Variants in SHC3 observed in about 807,000 individuals in gnomAD.
SHC3 encodes SHC-transforming protein 3.
Under a neutral mutation model 60.4 loss-of-function variants are expected in SHC3, and 15 were observed. The ratio of observed to expected loss-of-function variants is 0.25; its 90% CI spans 0.17 to 0.38. SHC3 has a LOEUF of 0.38. Ranked by LOEUF, SHC3 falls within the 10% of genes least tolerant of loss-of-function variation. The pLI, the probability that SHC3 is intolerant of heterozygous loss-of-function variation, is 1.00. For synonymous variants in SHC3, 294 were observed against 325.9 expected (o/e 0.90, Z 1.05); for missense variants, 677 against 786.1 (o/e 0.86, Z 1.66).
In SHC3 at chr9:89,038,307, A is replaced by G. The variant is rs773965191; in HGVS notation, c.1361-19T>C. On this transcript the variant is annotated intron_variant, in intron 10 of 11. Coordinates refer to ENST00000375835, the MANE Select transcript of SHC3 (RefSeq NM_016848.6). ...AAAGGTTCTGTCATCAACAATATTG[A>G]CCAGCAACAAGTCAATCCCAAGAAG... 3.2e-6 allele frequency: 5 copies of G among 1,586,968 alleles called. No individual in the cohort carries two copies. Among genetic ancestry groups the G allele is most frequent in the Non-Finnish European group, 4.3e-6 (5 of 1,164,408 alleles).
chr9:89,161,369 T>A (rs980171211), intron 1 of SHC3, among the ~76,000 whole-genome samples: 2 of 152,206 alleles, frequency 1.3e-5, no homozygotes, highest in Admixed American at 1.3e-4. Flanking sequence ...CGTCACCTTC[T>A]GCTGTGAAGT....
chr9:89,048,241 T>TAAAAAAAAAAA (rs34217569), intron 7 of SHC3, among the ~76,000 whole-genome samples: 1 of 133,952 alleles, frequency 7.5e-6, no homozygotes. Flanking sequence ...AAGACTCCAT[T>TAAAAAAAAAAA]AAAAAAAAAA....
Position 89,046,897 on chromosome 9 carries a change from C to G in SHC3, c.1060G>C (p.Gly354Arg). ...SIPSKMPPPG[G>R]FLDTRLKPRP... ...GGTTTCAGTCTAGTATCAAGAAAGC[C>G]CCCTGGAGGAGGCATCTTGCTTGGG... is the stretch of plus-strand genomic sequence containing the variant. Residue 354 changes from glycine (G) to arginine (R), a missense_variant, in exon 8 of 12, where the codon GGC (glycine) becomes CGC (arginine). Gly to Arg is a moderately radical substitution (Grantham distance 125). Transcript: ENST00000375835. 5.6e-6 allele frequency: 9 copies of G among 1,610,416 alleles called. No homozygotes were observed. The highest frequency in any genetic ancestry group is 7.6e-6 in the Non-Finnish European group (9 of 1,178,522).
chr9:89,105,374 C>T (rs1377809692), intron 2 of SHC3, among the ~76,000 whole-genome samples: 1 of 152,160 alleles, frequency 6.6e-6, no homozygotes, highest in East Asian at 1.9e-4. Flanking sequence ...TATCCTCATC[C>T]CCAAAATACA....
chr9:89,114,791 A>G (rs1407677417), intron 1 of SHC3, among the ~76,000 whole-genome samples: 2 of 152,172 alleles, frequency 1.3e-5, no homozygotes, highest in Non-Finnish European at 2.9e-5. Flanking sequence ...CCATTGTTGC[A>G]GAGTTATGAT....
chr9:89,019,854 C>T lies in SHC3; in HGVS notation c.1657-6279G>A, dbSNP rs540274384. On this transcript the variant is annotated intron_variant, in intron 11 of 11. Transcript: ENST00000375835. ...AATATTTATTAAATAATATCAAATA[C>T]AGTCTATTTAAAAACAAAAATAATA... Among the ~76,000 whole-genome samples the T allele has an allele frequency of 2.0e-5, 3 of 152,194 alleles. No individual in the cohort carries two copies. The East Asian group carries it at 5.8e-4, about 29-fold the overall frequency.
At chr9:89,170,622 G>A (rs985892157) in intron 1 of SHC3, among the ~76,000 whole-genome samples, 2 of 152,192 alleles carry the variant, frequency 1.3e-5, no homozygotes, top group Admixed American at 6.5e-5. Context: ...TCCAGTCTGG[G>A]CGACAGAGCA....
At chr9:89,117,021 G>A (rs558591036) in intron 1 of SHC3, among the ~76,000 whole-genome samples, 2 of 152,286 alleles carry the variant, frequency 1.3e-5, no homozygotes, top group East Asian at 1.9e-4. Context: ...GATCACAACC[G>A]AGTTTGCAGA....
At chr9:89,145,930 A>T (rs900807982) in intron 1 of SHC3, among the ~76,000 whole-genome samples, 1 of 152,170 alleles carries the variant, frequency 6.6e-6, no homozygotes, top group African/African-American at 2.4e-5. Flanking sequence ...TACTTTTTTT[A>T]AAAAGAATGA....
chr9:89,178,279 G>C lies in SHC3; in HGVS notation c.182C>G (p.Pro61Arg). 1 of 1,555,214 alleles carries C rather than the reference G, an allele frequency of 6.4e-7. No individual in the cohort carries two copies. The highest frequency in any genetic ancestry group is 8.7e-7 in the Non-Finnish European group (1 of 1,152,848). The part of the protein sequence containing the change: ...EALRKAPDDG[P>R]GSLGHLLHKV... ...GTGGAGCAGGTGGCCCAGGCTGCCG[G>C]GCCCATCGTCGGGCGCCTTGCGCAG... The change falls in exon 1 of 12, where the codon CCC becomes CGC. Residue 61 changes from proline to arginine, a missense_variant. Physicochemically the swap from Pro to Arg is moderately radical, Grantham distance 103 (BLOSUM62 -2). Transcript: ENST00000375835. This position sits in a 1 kb window ranked among gnomAD's most constrained non-coding sequence, Gnocchi z 6.9.
At position 89,143,090 on chromosome 9, in the gene SHC3, GA is replaced by G. The variant is rs563643364; in HGVS notation, c.475-30465del. Among the ~76,000 whole-genome samples the G allele has an allele frequency of 9.1e-4, 139 of 152,312 alleles. 1 individual carries two copies. Among genetic ancestry groups the G allele is most frequent in the South Asian group, 5.8e-3 (28 of 4,822 alleles). On this transcript the variant is annotated intron_variant, in intron 1 of 11. Transcript: ENST00000375835. ...GCAAAAGTGAAAGCAAGTTTGTTAA[GA>G]AAGTAAAGTAATAAGAGAATGGCTA...
intron 1 of SHC3, among the ~76,000 whole-genome samples, chr9:89,172,795 T>C (rs1036541747): frequency 6.6e-6 from 1 of 152,240 alleles, no homozygotes; most frequent in African/African-American, 2.4e-5. Context: ...ATTTTATTTA[T>C]GAATTAAATA....
intron 2 of SHC3, among the ~76,000 whole-genome samples, chr9:89,093,170 C>T (rs1394236510): frequency 6.6e-6 from 1 of 152,184 alleles, no homozygotes; most frequent in Non-Finnish European, 1.5e-5. Context: ...ATTTCACATT[C>T]CTACCAGCAA....
intron 6 of SHC3, among the ~76,000 whole-genome samples, chr9:89,056,340 G>C (rs1003136705): frequency 2.6e-5 from 4 of 152,124 alleles, no homozygotes; most frequent in Non-Finnish European, 5.9e-5. Flanking sequence ...TCAGCCTCCT[G>C]GGTTCAAGCC....
Position 89,045,822 on chromosome 9 carries a change from T to C in SHC3, c.1125A>G (p.Lys375=). 2 of 1,614,070 alleles carry C rather than the reference T, an allele frequency of 1.2e-6. No homozygotes were observed. Among genetic ancestry groups the C allele is most frequent in the Non-Finnish European group, 1.7e-6 (2 of 1,179,948 alleles). ...HAPDTAQFAG[K]EQTYYQGRHL... ...GTCTTCCCTGGTAATAAGTCTGCTC[T>C]TTTCCTGCAAACTATAGACACATGT... Residue 375 remains lysine, a synonymous_variant, in exon 9 of 12, where the codon AAA becomes AAG. Transcript: ENST00000375835.
intron 11 of SHC3, among the ~76,000 whole-genome samples, chr9:89,027,327 A>ATTTTTTTTTTTTTTTTTTTT (rs540788767): frequency 5.4e-5 from 7 of 130,382 alleles, no homozygotes; most frequent in African/African-American, 1.3e-4. Flanking sequence ...TGAAATTCTG[A>ATTTTTTTTTTTTTTTTTTTT]TTTTTTTTTT....
intron 4 of SHC3, among the ~76,000 whole-genome samples, 167 bp downstream of exon 4, chr9:89,074,941 AT>A (rs1825332665): frequency 2.0e-5 from 3 of 152,156 alleles, no homozygotes; most frequent in Non-Finnish European, 2.9e-5. Flanking sequence ...AGCCAATTTC[AT>A]TTATCATTCT....
At chr9:89,112,331 C>T (rs530177090) in intron 2 of SHC3, among the ~76,000 whole-genome samples, 16 of 152,266 alleles carry the variant, frequency 1.1e-4, no homozygotes, top group African/African-American at 3.1e-4. Context: ...ATAAAAAGAG[C>T]GTGCAAGGGC....
chr9:89,096,975 T>A (rs1825711901), intron 2 of SHC3, among the ~76,000 whole-genome samples: 1 of 152,180 alleles, frequency 6.6e-6, no homozygotes, highest in Non-Finnish European at 1.5e-5. Flanking sequence ...GGTGTTCAAC[T>A]GCTTGGACCA....
Sources: allele counts gnomAD v4.1 joint callset (sites outside exome capture counted in the v4.1 genomes callset), GRCh38; gene constraint gnomAD v4.1.1; non-coding constraint Gnocchi (gnomAD v3.1); transcripts MANE v1.5; gene names NCBI Gene and HGNC (gene_info 2026-07-23, HGNC 2026-07-21).